Variants in LRRC28 observed in about 807,000 individuals in gnomAD.
LRRC28 encodes leucine-rich repeat-containing protein 28.
LRRC28 carries 39 observed loss-of-function variants against 45.7 expected under a neutral mutation model. The ratio of observed to expected loss-of-function variants is 0.85; its 90% CI spans 0.66 to 1.12. The LOEUF is 1.12. LRRC28 is among the 50% of genes most tolerant of loss of function. LRRC28 has a pLI of 0.00. For missense variants in LRRC28, 435 were observed against 438.5 expected, an observed-to-expected ratio of 0.99 and a Z score of 0.07; for synonymous variants, 206 against 178.8, an observed-to-expected ratio of 1.15 and a Z score of -1.22.
intron 9 of LRRC28, among the ~76,000 whole-genome samples, chr15:99,370,527 A>G (rs933194621): frequency 3.9e-4 from 59 of 152,252 alleles, no homozygotes; most frequent in African/African-American, 1.3e-3. Flanking sequence ...TGGAAGGAGA[A>G]CTTTCATTTT....
chr15:99,357,045 C>G (rs1957066126), intron 7 of LRRC28, among the ~76,000 whole-genome samples: 2 of 152,176 alleles, frequency 1.3e-5, no homozygotes, highest in African/African-American at 4.8e-5. Flanking sequence ...ATCTCCATAT[C>G]CACTTCTTCC....
At chr15:99,354,655 G>A (rs1178641197) in intron 7 of LRRC28, among the ~76,000 whole-genome samples, 4 of 152,206 alleles carry the variant, frequency 2.6e-5, no homozygotes, top group African/African-American at 4.8e-5. Context: ...TGAGCTAAGC[G>A]ATGCAGTACC....
rs201250354 is a variant in LRRC28 at position 99,386,085 on chromosome 15, T to G, written c.1087T>G (p.Phe363Val). Residue 363 changes from phenylalanine (F) to valine (V), a missense_variant, in exon 10 of 10, where the codon TTT (phenylalanine) becomes GTT (valine). Transcript: ENST00000301981. ...CTGCTCCACCCAGTGTCTGCAGACT[T>G]TTGACCTGCTGAGTTGATAAACACT... ...YCCSTQCLQT[F>V]DLLS The G allele has an allele frequency of 1.2e-6, 2 of 1,614,100 alleles. No homozygotes were observed. Among genetic ancestry groups the G allele is most frequent in the Non-Finnish European group, 1.7e-6 (2 of 1,179,962 alleles).
intron 5 of LRRC28, among the ~76,000 whole-genome samples, chr15:99,331,472 C>T (rs1267766487): frequency 1.3e-5 from 2 of 152,170 alleles, no homozygotes; most frequent in African/African-American, 4.8e-5. Flanking sequence ...TCTTCAAATT[C>T]TATTGCACTG....
intron 6 of LRRC28, among the ~76,000 whole-genome samples, chr15:99,346,576 T>G (rs1354568449): frequency 6.6e-6 from 1 of 152,174 alleles, no homozygotes; most frequent in Non-Finnish European, 1.5e-5. Context: ...AAATGTGCAC[T>G]CCTGTGATTT....
intron 9 of LRRC28, among the ~76,000 whole-genome samples, chr15:99,370,267 G>A (rs1271826692): frequency 6.6e-6 from 1 of 152,156 alleles, no homozygotes; most frequent in African/African-American, 2.4e-5. Flanking sequence ...AAATAAACTT[G>A]TAAATAATGA....
intron 7 of LRRC28, among the ~76,000 whole-genome samples, chr15:99,358,473 T>C (rs1175555139): frequency 6.6e-6 from 1 of 150,894 alleles, no homozygotes; most frequent in Non-Finnish European, 1.5e-5. Flanking sequence ...TAACTGAGAA[T>C]TGCAAGAAAA....
At chr15:99,267,177 T>C (rs2152141630) in intron 2 of LRRC28, among the ~76,000 whole-genome samples, 1 of 152,376 alleles carries the variant, frequency 6.6e-6, no homozygotes, top group East Asian at 1.9e-4. Flanking sequence ...CATATGTTTA[T>C]GCCATATTGA....
intron 2 of LRRC28, among the ~76,000 whole-genome samples, chr15:99,275,749 C>T (rs920709601): frequency 3.3e-5 from 5 of 152,186 alleles, no homozygotes; most frequent in Admixed American, 2.0e-4. Context: ...CTTCCAGTTA[C>T]ATCACTCCAG....
Position 99,319,550 on chromosome 15 carries a change from G to A in LRRC28, c.386-14373G>A, listed in dbSNP as rs1363425081. Among the ~76,000 whole-genome samples, 10 of 152,222 alleles carry A rather than the reference G, an allele frequency of 6.6e-5. No homozygotes were observed. The East Asian group carries it at 1.7e-3, about 26-fold the overall frequency. Reference sequence around the variant, plus strand: ...GAATACTTTATTGACTAGTTGGTTAGATACCAGCGAACACCTGGGAAATAA... The same window carrying A: ...GAATACTTTATTGACTAGTTGGTTAAATACCAGCGAACACCTGGGAAATAA... On this transcript the variant is annotated intron_variant, in intron 5 of 9. Coordinates refer to ENST00000301981, the MANE Select transcript of LRRC28 (RefSeq NM_144598.5).
At chr15:99,361,578 G>C in intron 8 of LRRC28, 67 bp downstream of exon 8, 1 of 1,441,136 alleles carries the variant, frequency 6.9e-7, no homozygotes, top group Non-Finnish European at 9.3e-7. Flanking sequence ...TGGTGCACCT[G>C]TTTTGGCGTT....
intron 2 of LRRC28, among the ~76,000 whole-genome samples, chr15:99,270,818 T>A (rs2081458305): frequency 1.3e-5 from 2 of 152,204 alleles, no homozygotes; most frequent in African/African-American, 4.8e-5. Context: ...CATACGGTAA[T>A]TTTATGCTTA....
intron 7 of LRRC28, among the ~76,000 whole-genome samples, chr15:99,359,093 T>C (rs1957128187): frequency 6.6e-6 from 1 of 151,630 alleles, no homozygotes. Context: ...AAAATCTACA[T>C]GTAAAAATAC....
At chr15:99,348,629 G>T (rs1019925875) in intron 6 of LRRC28, among the ~76,000 whole-genome samples, 1 of 151,892 alleles carries the variant, frequency 6.6e-6, no homozygotes, top group African/African-American at 2.4e-5. Flanking sequence ...TTTTTATGCC[G>T]CATCATAGTG....
intron 9 of LRRC28, among the ~76,000 whole-genome samples, chr15:99,370,680 T>A (rs1490544639): frequency 6.6e-6 from 1 of 152,206 alleles, no homozygotes; most frequent in Admixed American, 6.5e-5. Flanking sequence ...TATGGCAAAT[T>A]TTTTTGTTCA....
chr15:99,358,651 A>G (rs1597424273), intron 7 of LRRC28, among the ~76,000 whole-genome samples: 1 of 152,222 alleles, frequency 6.6e-6, no homozygotes, highest in African/African-American at 2.4e-5. Context: ...TAATAGGATA[A>G]AAAGAACAGT....
intron 5 of LRRC28, among the ~76,000 whole-genome samples, chr15:99,304,839 G>A (rs912980097): frequency 6.6e-6 from 1 of 152,138 alleles, no homozygotes. Context: ...TGGGGATCAC[G>A]ACCCTATTCA....
chr15:99,323,317 CTCA>C (rs2152280246), intron 5 of LRRC28, among the ~76,000 whole-genome samples: 1 of 152,222 alleles, frequency 6.6e-6, no homozygotes, highest in Admixed American at 6.5e-5. Flanking sequence ...GATTTTAATC[CTCA>C]TATCAGAGAG....
intron 5 of LRRC28, among the ~76,000 whole-genome samples, chr15:99,312,393 C>G (rs903866403): frequency 2.6e-5 from 4 of 152,124 alleles, no homozygotes; most frequent in African/African-American, 9.7e-5. Flanking sequence ...CACTGTCTTC[C>G]ACCTCTAATC....
Sources: gnomAD v4.1 joint callset for allele counts (sites outside exome capture counted in the v4.1 genomes callset) on GRCh38, gnomAD v4.1.1 for gene constraint, MANE v1.5 for transcripts, NCBI Gene and HGNC (gene_info 2026-07-23, HGNC 2026-07-21) for gene names.